Variants in SRD5A2 observed in about 807,000 individuals in gnomAD.
The protein encoded by SRD5A2 is 3-oxo-5-alpha-steroid 4-dehydrogenase 2.
A neutral mutation model predicts 27.4 loss-of-function variants in SRD5A2; 30 were observed. That is an observed-to-expected ratio of 1.10 (90% confidence interval 0.82 to 1.49). SRD5A2 has a LOEUF of 1.49. Ranked by LOEUF, SRD5A2 falls within the 40% of genes most tolerant of loss-of-function variation. The pLI, the probability that SRD5A2 is intolerant of heterozygous loss-of-function variation, is 0.00. For missense variants in SRD5A2, 348 were observed against 323.4 expected (o/e 1.08, Z -0.58); for synonymous variants, 141 against 133.6 (o/e 1.06, Z -0.38).
At chr2:31,605,896 C>A in the SRD5A2 span, among the ~76,000 whole-genome samples, 33 of 151,878 alleles carry the variant, frequency 2.2e-4, no homozygotes, top group African/African-American at 8.0e-4. Context: ...TAGAAGCAAC[C>A]TAAATGTCCA....
intron 1 of SRD5A2, among the ~76,000 whole-genome samples, chr2:31,544,404 C>A (rs991999876): frequency 2.0e-5 from 3 of 151,384 alleles, no homozygotes; most frequent in African/African-American, 7.3e-5. Context: ...AAAAGTAAAA[C>A]TGAAAAATCT....
At chr2:31,600,131 G>A in the SRD5A2 span, among the ~76,000 whole-genome samples, 1 of 151,976 alleles carries the variant, frequency 6.6e-6, no homozygotes, top group South Asian at 2.1e-4. Flanking sequence ...GTGGCCTCCA[G>A]CTCCACCCAT....
At chr2:31,660,871 G>C in the SRD5A2 span, among the ~76,000 whole-genome samples, 16 of 152,056 alleles carry the variant, frequency 1.1e-4, no homozygotes, top group South Asian at 6.2e-4. Context: ...GGCCCTTACT[G>C]TAGGCATCCA....
intron 4 of SRD5A2, 93 bp from the exon 5 acceptor site, chr2:31,526,355 T>A (rs1665781818): frequency 1.2e-6 from 1 of 819,772 alleles, no homozygotes; most frequent in Admixed American, 2.0e-5. Flanking sequence ...CAAGTCAACC[T>A]ACAGTTATTT....
chr2:31,534,347 C>T (rs745458116), intron 1 of SRD5A2, among the ~76,000 whole-genome samples: 15 of 152,094 alleles, frequency 9.9e-5, no homozygotes, highest in Non-Finnish European at 1.6e-4. Flanking sequence ...GGATCTATAA[C>T]ATCAGACAAG....
the SRD5A2 span, among the ~76,000 whole-genome samples, chr2:31,607,243 G>A: frequency 6.6e-6 from 1 of 151,820 alleles, no homozygotes; most frequent in Non-Finnish European, 1.5e-5. Context: ...AGGAAATAAT[G>A]ACTGAAATAT....
Position 31,526,150 on chromosome 2 carries a change from T to C in SRD5A2, c.*46A>G. Reference sequence around the variant, plus strand: ...ATTACAGTTTCAGCAGCTTGACAGTTTTCATCAGCATTGTGGGAGCTCTGC... The same window carrying C: ...ATTACAGTTTCAGCAGCTTGACAGTCTTCATCAGCATTGTGGGAGCTCTGC... On this transcript the variant is annotated 3_prime_UTR_variant, in exon 5 of 5. Transcript: ENST00000622030. 4.8e-6 allele frequency: 6 copies of C among 1,259,660 alleles called. No individual in the cohort carries two copies. The highest frequency in any genetic ancestry group is 5.7e-6 in the Non-Finnish European group (5 of 883,538). The allele number at this position is 1,259,660 out of a possible 1,614,324, so 78.0% of individuals were successfully genotyped here.
chr2:31,632,895 T>C, the SRD5A2 span, among the ~76,000 whole-genome samples: 2 of 152,242 alleles, frequency 1.3e-5, no homozygotes, highest in Admixed American at 6.5e-5. Flanking sequence ...TAGTCCTCCA[T>C]GCCCACACAG....
At chr2:31,574,880 A>G (rs1666924880) in intron 1 of SRD5A2, among the ~76,000 whole-genome samples, 1 of 152,252 alleles carries the variant, frequency 6.6e-6, no homozygotes, top group South Asian at 2.1e-4. Flanking sequence ...TTGTAAATAA[A>G]GCTTTATTGG....
At chr2:31,620,883 A>G in the SRD5A2 span, among the ~76,000 whole-genome samples, 1 of 147,502 alleles carries the variant, frequency 6.8e-6, no homozygotes, top group Non-Finnish European at 1.5e-5. Flanking sequence ...AATTTAATTT[A>G]AAAGATCCAT....
the SRD5A2 span, among the ~76,000 whole-genome samples, chr2:31,594,673 A>G: frequency 6.6e-6 from 1 of 152,184 alleles, no homozygotes; most frequent in East Asian, 1.9e-4. Context: ...CAACAAAAAA[A>G]CAGTGGACTT....
intron 3 of SRD5A2, 102 bp from the exon 4 acceptor site, chr2:31,529,559 T>C: frequency 1.4e-6 from 2 of 1,475,278 alleles, no homozygotes; most frequent in Non-Finnish European, 9.1e-7. Flanking sequence ...CAAGAACAAA[T>C]GTGGGGCTGG....
chr2:31,565,276 A>C (rs1666708185), intron 1 of SRD5A2, among the ~76,000 whole-genome samples: 1 of 152,128 alleles, frequency 6.6e-6, no homozygotes, highest in African/African-American at 2.4e-5. Flanking sequence ...AATAGGAAAT[A>C]GGAACAAATA....
At chr2:31,564,075 C>T (rs987608446) in intron 1 of SRD5A2, among the ~76,000 whole-genome samples, 7 of 152,054 alleles carry the variant, frequency 4.6e-5, no homozygotes, top group African/African-American at 1.7e-4. Flanking sequence ...GGGAGGAAAA[C>T]ACTGCTTATT....
chr2:31,563,460 G>A (rs1384976241), intron 1 of SRD5A2: 1 of 151,940 alleles, frequency 6.6e-6, no homozygotes, highest in Non-Finnish European at 1.5e-5. Context: ...TGAGTGGCAA[G>A]AAAAAAATGA....
At chr2:31,641,922 G>T in the SRD5A2 span, among the ~76,000 whole-genome samples, 1 of 151,768 alleles carries the variant, frequency 6.6e-6, no homozygotes, top group Non-Finnish European at 1.5e-5. Flanking sequence ...ATATGGAAAA[G>T]CAAAGCAACT....
the SRD5A2 span, among the ~76,000 whole-genome samples, chr2:31,611,871 T>C: frequency 2.0e-3 from 297 of 152,284 alleles, 1 homozygote; most frequent in Admixed American, 3.7e-3. Flanking sequence ...GTTCATAACA[T>C]TTTTATTCAT....
At chr2:31,639,391 T>A in the SRD5A2 span, among the ~76,000 whole-genome samples, 2 of 152,124 alleles carry the variant, frequency 1.3e-5, no homozygotes, top group African/African-American at 4.8e-5. Context: ...AAAACAGTGA[T>A]GGAGTATTCT....
At chr2:31,622,326 T>G in the SRD5A2 span, among the ~76,000 whole-genome samples, 1 of 152,284 alleles carries the variant, frequency 6.6e-6, no homozygotes, top group East Asian at 1.9e-4. Flanking sequence ...CTGCATAGTA[T>G]TCCATATTGT....
Sources: gnomAD v4.1 joint callset for allele counts (sites outside exome capture counted in the v4.1 genomes callset) on GRCh38, gnomAD v4.1.1 for gene constraint, MANE v1.5 for transcripts, NCBI Gene and HGNC (gene_info 2026-07-23, HGNC 2026-07-21) for gene names.